Variants in IL1RAPL2 observed in about 807,000 individuals in gnomAD.
IL1RAPL2 encodes the protein X-linked interleukin-1 receptor accessory protein-like 2.
In IL1RAPL2, 3 loss-of-function variants were observed where a neutral mutation model predicts 44.1. The observed-to-expected ratio is 0.07, with a 90% CI of 0.03 to 0.18. The LOEUF is 0.18. Ranked by LOEUF, IL1RAPL2 falls within the 10% of genes least tolerant of loss-of-function variation. The probability of loss-of-function intolerance (pLI) is 1.00; values close to 1 mark genes in which losing one functional copy is unlikely to be tolerated. For synonymous variants in IL1RAPL2, 181 were observed against 178.8 expected, an observed-to-expected ratio of 1.01 and a Z score of -0.10; for missense variants, 391 against 496.4, an observed-to-expected ratio of 0.79 and a Z score of 2.02.
chrX:105,018,663 A>G (rs1429990430), intron 2 of IL1RAPL2, among the ~76,000 whole-genome samples: 1 of 111,421 alleles, frequency 9.0e-6, no homozygotes, highest in Non-Finnish European at 1.9e-5. Flanking sequence ...GATAACAACA[A>G]CGATAACAAA....
intron 2 of IL1RAPL2, among the ~76,000 whole-genome samples, chrX:104,718,817 A>G (rs1228681759): frequency 1.8e-5 from 2 of 112,048 alleles, no homozygotes; most frequent in East Asian, 2.8e-4. Flanking sequence ...AAGAGTCAGC[A>G]AACATTTTTC....
intron 6 of IL1RAPL2, among the ~76,000 whole-genome samples, chrX:105,689,897 G>T (rs2038020736): frequency 8.9e-6 from 1 of 111,853 alleles, no homozygotes; most frequent in African/African-American, 3.3e-5. Flanking sequence ...CATAAAAAGG[G>T]ATGAGTTTAT....
At chrX:105,337,287 A>G (rs770999896) in intron 5 of IL1RAPL2, among the ~76,000 whole-genome samples, 9 of 112,224 alleles carry the variant, frequency 8.0e-5, no homozygotes, top group Non-Finnish European at 9.4e-5. Context: ...AAGGCAGACT[A>G]TAAGAAGAAT....
At chrX:105,188,974 T>G (rs782237593) in intron 2 of IL1RAPL2, among the ~76,000 whole-genome samples, 26 of 112,112 alleles carry the variant, frequency 2.3e-4, no homozygotes, top group Admixed American at 6.6e-4. Context: ...TTTAGAGAGT[T>G]TGACTTGCTT....
At chrX:105,571,074 C>T (rs1314418064) in intron 6 of IL1RAPL2, among the ~76,000 whole-genome samples, 1 of 111,545 alleles carries the variant, frequency 9.0e-6, no homozygotes, top group Admixed American at 9.5e-5. Context: ...TCCAAAAATA[C>T]AGAAAAGCCT....
intron 5 of IL1RAPL2, among the ~76,000 whole-genome samples, chrX:105,342,085 A>C (rs7057863): frequency 0.13 from 13,169 of 103,126 alleles, 2,269 homozygotes; most frequent in African/African-American, 0.45. Context: ...CACATGTTCT[A>C]ACTCATAGGT....
chrX:104,597,545 G>C (rs987942257), intron 1 of IL1RAPL2, among the ~76,000 whole-genome samples: 4 of 111,392 alleles, frequency 3.6e-5, no homozygotes, highest in Non-Finnish European at 7.5e-5. Context: ...TATGAGAGAT[G>C]TTAATGACTG....
intron 2 of IL1RAPL2, among the ~76,000 whole-genome samples, chrX:104,675,724 G>T (rs924882568): frequency 2.7e-4 from 30 of 110,460 alleles, no homozygotes; most frequent in Non-Finnish European, 5.3e-4. Flanking sequence ...TTATTATTGT[G>T]TGGGAGTCTA....
chrX:105,061,170 A>T, intron 2 of IL1RAPL2, among the ~76,000 whole-genome samples: 1 of 111,410 alleles, frequency 9.0e-6, no homozygotes. Context: ...TAATGCAGGA[A>T]CTTATTACTA....
chrX:104,731,642 A>T (rs1169047848), intron 2 of IL1RAPL2, among the ~76,000 whole-genome samples: 1 of 111,493 alleles, frequency 9.0e-6, no homozygotes, highest in East Asian at 2.8e-4. Context: ...ACCTCAGTTT[A>T]TCCACCTGCC....
At chrX:104,959,887 G>T (rs1457137184) in intron 2 of IL1RAPL2, among the ~76,000 whole-genome samples, 3 of 111,714 alleles carry the variant, frequency 2.7e-5, no homozygotes, top group African/African-American at 9.8e-5. Flanking sequence ...TCTCCATGAA[G>T]TCCTCTCTAA....
chrX:105,393,661 A>G (rs1291922926), intron 5 of IL1RAPL2, among the ~76,000 whole-genome samples: 2 of 111,870 alleles, frequency 1.8e-5, no homozygotes, highest in African/African-American at 6.5e-5. Flanking sequence ...CATTAGAAGC[A>G]AGATTGAGTA....
intron 6 of IL1RAPL2, among the ~76,000 whole-genome samples, chrX:105,644,170 C>T (rs1050208420): frequency 5.4e-5 from 6 of 111,661 alleles, no homozygotes; most frequent in Admixed American, 9.5e-5. Flanking sequence ...GGATTACAGG[C>T]GTGAGCCACT....
intron 2 of IL1RAPL2, among the ~76,000 whole-genome samples, chrX:105,037,120 G>A (rs1441902054): frequency 9.0e-6 from 1 of 111,681 alleles, no homozygotes; most frequent in Admixed American, 9.6e-5. Context: ...AAATTAGTAA[G>A]AGGATCAAAT....
intron 5 of IL1RAPL2, among the ~76,000 whole-genome samples, chrX:105,483,640 C>T (rs1025211290): frequency 9.0e-6 from 1 of 111,459 alleles, no homozygotes; most frequent in East Asian, 2.8e-4. Context: ...TCTTTACCAC[C>T]TATATATAGC....
At chrX:105,763,719 C>T (rs2038706413) in intron 10 of IL1RAPL2, among the ~76,000 whole-genome samples, 1 of 110,842 alleles carries the variant, frequency 9.0e-6, no homozygotes, top group Non-Finnish European at 1.9e-5. Flanking sequence ...GGCACAGTCT[C>T]GCCTTCTTTT....
chrX:105,647,081 C>A (rs964343573), intron 6 of IL1RAPL2, among the ~76,000 whole-genome samples: 1 of 112,105 alleles, frequency 8.9e-6, no homozygotes, highest in Non-Finnish European at 1.9e-5. Flanking sequence ...TGGAACCCAG[C>A]GACTAGTGTT....
intron 5 of IL1RAPL2, among the ~76,000 whole-genome samples, chrX:105,359,563 T>G (rs7059947): frequency 0.13 from 14,260 of 110,412 alleles, 2,287 homozygotes; most frequent in African/African-American, 0.45. Context: ...GAGCTGGCAC[T>G]CAAATCCAAG....
chrX:104,907,608 T>G (rs1309148881), intron 2 of IL1RAPL2, among the ~76,000 whole-genome samples: 3 of 111,528 alleles, frequency 2.7e-5, no homozygotes, highest in African/African-American at 9.8e-5. Context: ...TGTAGTTGAG[T>G]GGTTTTGAGT....
Sources: gnomAD v4.1 joint callset for allele counts (sites outside exome capture counted in the v4.1 genomes callset) on GRCh38, gnomAD v4.1.1 for gene constraint, MANE v1.5 for transcripts, NCBI Gene and HGNC (gene_info 2026-07-23, HGNC 2026-07-21) for gene names.